Variants in CLVS1 observed in about 807,000 individuals in gnomAD.
CLVS1 encodes the protein clavesin-1.
CLVS1 carries 10 observed loss-of-function variants against 33.1 expected under a neutral mutation model. The observed-to-expected ratio is 0.30, with a 90% CI of 0.19 to 0.51. The LOEUF is 0.51. Among genes scored for constraint, CLVS1 ranks in the 20% least tolerant of loss-of-function variants. CLVS1 has a pLI of 0.97. For synonymous variants in CLVS1, 163 were observed against 166.1 expected, an observed-to-expected ratio of 0.98 and a Z score of 0.14; for missense variants, 343 against 433.4, an observed-to-expected ratio of 0.79 and a Z score of 1.85.
At chr8:61,472,097 C>T (rs1010556343) in intron 5 of CLVS1, among the ~76,000 whole-genome samples, 7 of 152,226 alleles carry the variant, frequency 4.6e-5, no homozygotes, top group Non-Finnish European at 7.3e-5. Context: ...CTCTCAAGGG[C>T]GCTTGTCCCC....
At chr8:61,415,757 A>G (rs1219494682) in intron 3 of CLVS1, among the ~76,000 whole-genome samples, 1 of 152,230 alleles carries the variant, frequency 6.6e-6, no homozygotes, top group African/African-American at 2.4e-5. Flanking sequence ...CATTGAAGAG[A>G]TGAAGTTAAT....
upstream of CLVS1, among the ~76,000 whole-genome samples, chr8:61,287,533 T>A (rs1030550836): frequency 2.0e-5 from 3 of 152,186 alleles, no homozygotes; most frequent in Non-Finnish European, 4.4e-5. Flanking sequence ...ACCTTTCCTA[T>A]CCTGAGATCG....
chr8:61,430,579 C>G (rs73685013), intron 3 of CLVS1, among the ~76,000 whole-genome samples: 2,348 of 152,186 alleles, frequency 0.015, 74 homozygotes, highest in African/African-American at 0.054. Context: ...CTCCATGAGG[C>G]GCCTTGCTTA....
intron 3 of CLVS1, among the ~76,000 whole-genome samples, chr8:61,395,172 G>A (rs994919554): frequency 6.6e-6 from 1 of 152,188 alleles, no homozygotes; most frequent in African/African-American, 2.4e-5. Flanking sequence ...GGATGGAACT[G>A]AAGGACATTA....
intron 2 of CLVS1, among the ~76,000 whole-genome samples, chr8:61,337,691 G>C (rs924924219): frequency 1.3e-5 from 2 of 152,142 alleles, no homozygotes; most frequent in Non-Finnish European, 2.9e-5. Flanking sequence ...AATGTGTGAG[G>C]GTGGCTATCG....
At chr8:61,285,707 T>A (rs1404738725), upstream of CLVS1, among the ~76,000 whole-genome samples, 1 of 152,140 alleles carries the variant, frequency 6.6e-6, no homozygotes, top group Non-Finnish European at 1.5e-5. Context: ...TGTTGACCAG[T>A]GACAGGTAAA....
the CLVS1 span, among the ~76,000 whole-genome samples, chr8:60,996,281 CT>C: frequency 6.6e-6 from 1 of 152,154 alleles, no homozygotes; most frequent in Non-Finnish European, 1.5e-5. Flanking sequence ...CTGGATTTTG[CT>C]TTTACTGGTC....
At chr8:61,336,828 G>C (rs917139644) in intron 2 of CLVS1, among the ~76,000 whole-genome samples, 3 of 151,772 alleles carry the variant, frequency 2.0e-5, no homozygotes, top group Non-Finnish European at 4.4e-5. Flanking sequence ...ATCTAAGAAA[G>C]GGCAAAAAAT....
chr8:61,376,466 C>A, intron 2 of CLVS1, 139 bp from the exon 3 acceptor site: 2 of 679,772 alleles, frequency 2.9e-6, no homozygotes, highest in Non-Finnish European at 2.4e-6. Flanking sequence ...ATTTTCAGTC[C>A]CTTTGGGTAC....
rs75962433 is a variant in CLVS1, at chr8:61,110,704, G to C, written c.-242-21066G>C. Among the ~76,000 whole-genome samples, 3,687 of 152,006 alleles carry C rather than the reference G, an allele frequency of 0.024. 273 individuals are homozygous for C. In the East Asian group the frequency reaches 0.28, roughly 11 times the overall value. ...ACTAAACTACAGATCTCCATTTCCTGCCTCCCCTACCCCCTGGCAACCACC... is the reference window on the plus strand; with the variant it reads ...ACTAAACTACAGATCTCCATTTCCTCCCTCCCCTACCCCCTGGCAACCACC... On this transcript the variant is annotated intron_variant, in intron 1 of 2. Transcript: ENST00000522621.
chr8:61,092,219 T>G (rs182362266), intron 1 of CLVS1, among the ~76,000 whole-genome samples: 132 of 152,372 alleles, frequency 8.7e-4, no homozygotes, highest in Non-Finnish European at 1.7e-3. Flanking sequence ...TTCCATTAAT[T>G]ACCAGTTGGT....
chr8:60,965,325 G>A, the CLVS1 span: 2 of 152,324 alleles, frequency 1.3e-5, no homozygotes, highest in African/African-American at 4.8e-5. Context: ...CGGGCCTCTG[G>A]GGGCTGAGGC....
chr8:61,475,136 T>C (rs1413238497), intron 5 of CLVS1, among the ~76,000 whole-genome samples: 2 of 152,366 alleles, frequency 1.3e-5, no homozygotes, highest in South Asian at 2.1e-4. Flanking sequence ...TCATCATTTT[T>C]TATGGCTGCA....
chr8:61,167,433 C>T (rs989631505), intron 2 of CLVS1, among the ~76,000 whole-genome samples: 4 of 152,064 alleles, frequency 2.6e-5, no homozygotes, highest in Admixed American at 2.0e-4. Flanking sequence ...CCACCCGCCT[C>T]GGCCTCCCAA....
intron 5 of CLVS1, chr8:61,464,664 G>A (rs954368032): frequency 1.3e-5 from 2 of 152,196 alleles, no homozygotes; most frequent in Admixed American, 6.6e-5. Context: ...CATTACATAC[G>A]GGAGCCAAAA....
chr8:61,318,108 T>C (rs1488679392), intron 2 of CLVS1, among the ~76,000 whole-genome samples: 1 of 152,200 alleles, frequency 6.6e-6, no homozygotes. Flanking sequence ...GTGTATTTAG[T>C]TATAAATTAA....
chr8:61,226,815 C>T (rs972585819), intron 2 of CLVS1, among the ~76,000 whole-genome samples: 7 of 152,082 alleles, frequency 4.6e-5, no homozygotes, highest in African/African-American at 1.7e-4. Flanking sequence ...ATAACTCACA[C>T]CCATCCAGCG....
chr8:61,314,372 C>A (rs1012538060), intron 2 of CLVS1, among the ~76,000 whole-genome samples: 3 of 152,086 alleles, frequency 2.0e-5, no homozygotes, highest in Non-Finnish European at 4.4e-5. Flanking sequence ...GCCTCATTTA[C>A]TTTAAATCTT....
chr8:61,017,297 G>C, the CLVS1 span, among the ~76,000 whole-genome samples: 1 of 152,170 alleles, frequency 6.6e-6, no homozygotes, highest in African/African-American at 2.4e-5. Context: ...TCTCTGATTC[G>C]GTTGCCATTA....
Sources: allele counts gnomAD v4.1 joint callset (sites outside exome capture counted in the v4.1 genomes callset), GRCh38; gene constraint gnomAD v4.1.1; transcripts MANE v1.5; gene names NCBI Gene and HGNC (gene_info 2026-07-23, HGNC 2026-07-21).